The following KLHL14 variants were observed in gnomAD, a reference collection of about 807,000 sequenced individuals.
KLHL14 encodes the protein kelch-like protein 14.
Under a neutral mutation model 64.3 loss-of-function variants are expected in KLHL14, and 22 were observed. That is an observed-to-expected ratio of 0.34 (90% confidence interval 0.24 to 0.49). The LOEUF is 0.49. KLHL14 is among the 20% of genes least tolerant of loss of function. KLHL14 has a pLI of 0.99. For missense variants in KLHL14, 661 were observed against 789.0 expected (o/e 0.84, Z 1.94); for synonymous variants, 322 against 333.4 (o/e 0.97, Z 0.37).
rs1303785817 is a variant in KLHL14, at chr18:32,772,912, G to T, written c.-289C>A. On this transcript the variant is annotated 5_prime_UTR_variant, in exon 1 of 9. It adds an upstream start codon to the 5' untranslated region. Transcript: ENST00000359358. ...GAGAGAGGGAGAGAGAGAGGGAGCA[G>T]AGCTTTCTGCAAGAGAAGAAGAAGA... The T allele has an allele frequency of 6.1e-6, 1 of 163,924 alleles. No homozygotes were observed. The highest frequency in any genetic ancestry group is 1.3e-5 in the Non-Finnish European group (1 of 74,738). The allele number at this position is 163,924 out of a possible 1,614,324, so 10.2% of individuals were successfully genotyped here.
intron 3 of KLHL14, among the ~76,000 whole-genome samples, chr18:32,735,017 C>T (rs1421433435): frequency 6.6e-6 from 1 of 152,142 alleles, no homozygotes; most frequent in African/African-American, 2.4e-5. Context: ...AATTTTGTCA[C>T]TTACACGTCA....
In KLHL14 at chr18:32,760,359, C is replaced by CACATATACAT. The variant is rs1465108620; in HGVS notation, c.947+9285_947+9286insATGTATATGT. On this transcript the variant is annotated intron_variant, in intron 2 of 8. Coordinates refer to ENST00000359358, the MANE Select transcript of KLHL14 (RefSeq NM_020805.3). ...AGACATACACACACACACACACACA[C>CACATATACAT]ACATATACACACACACACAAACATG... 2.6e-5 allele frequency among the ~76,000 whole-genome samples: 4 copies of CACATATACAT among 151,750 alleles called. No individual in the cohort carries two copies. In the East Asian group the frequency reaches 7.7e-4, roughly 29 times the overall value.
At chr18:32,716,758 A>G (rs1568072745) in intron 3 of KLHL14, among the ~76,000 whole-genome samples, 1 of 152,008 alleles carries the variant, frequency 6.6e-6, no homozygotes. Context: ...TTGTACCTTC[A>G]TTTCATATAG....
chr18:32,757,716 G>A (rs1042415105), intron 2 of KLHL14, among the ~76,000 whole-genome samples: 29 of 152,022 alleles, frequency 1.9e-4, no homozygotes, highest in African/African-American at 6.8e-4. Context: ...TGAAAGATTT[G>A]CTTATCCAAG....
At chr18:32,696,580 GGGAACTTATTCCTTGACACGGATCAA>G (rs2144486995) in intron 3 of KLHL14, among the ~76,000 whole-genome samples, 1 of 152,276 alleles carries the variant, frequency 6.6e-6, no homozygotes, top group Non-Finnish European at 1.5e-5. Context: ...TGTTCAGGCA[GGGAACTTATTCCTTGACACGGATCAA>G]CAGAGCACTT....
intron 3 of KLHL14, among the ~76,000 whole-genome samples, chr18:32,730,570 AG>A (rs1195258876): frequency 2.0e-5 from 3 of 152,214 alleles, no homozygotes; most frequent in Admixed American, 6.5e-5. Context: ...CATTACAACA[AG>A]ACAAAAGCAT....
At chr18:32,739,782 G>C (rs2050186036) in intron 3 of KLHL14, among the ~76,000 whole-genome samples, 1 of 151,966 alleles carries the variant, frequency 6.6e-6, no homozygotes, top group South Asian at 2.1e-4. Context: ...AAACTATGGA[G>C]AATATGCTCC....
chr18:32,719,110 G>A (rs9965869), intron 3 of KLHL14, among the ~76,000 whole-genome samples: 3 of 152,112 alleles, frequency 2.0e-5, no homozygotes, highest in South Asian at 4.1e-4. Flanking sequence ...CACCACACCT[G>A]GGTAATTTTG....
chr18:32,702,653 C>T (rs1464892886), intron 3 of KLHL14, among the ~76,000 whole-genome samples: 8 of 152,074 alleles, frequency 5.3e-5, no homozygotes, highest in Admixed American at 3.3e-4. Flanking sequence ...ACTATAGTTT[C>T]AAACTACAAA....
intron 3 of KLHL14, among the ~76,000 whole-genome samples, chr18:32,722,887 G>A (rs1250707710): frequency 6.6e-6 from 1 of 152,054 alleles, no homozygotes; most frequent in African/African-American, 2.4e-5. Flanking sequence ...CCTAGGAGTT[G>A]GAGGCTATAG....
chr18:32,684,084 T>A (rs1384003698), intron 5 of KLHL14, among the ~76,000 whole-genome samples: 1 of 152,132 alleles, frequency 6.6e-6, no homozygotes, highest in Non-Finnish European at 1.5e-5. Flanking sequence ...GAATAACACT[T>A]CAAACATCAA....
chr18:32,683,097 T>C lies in KLHL14; in HGVS notation c.1239-2498A>G, dbSNP rs2049851056. 6.6e-6 allele frequency among the ~76,000 whole-genome samples: 1 copy of C among 152,140 alleles called. No homozygotes were observed. Among genetic ancestry groups the C allele is most frequent in the Non-Finnish European group, 1.5e-5 (1 of 68,030 alleles). On this transcript the variant is annotated intron_variant, in intron 5 of 8. Transcript: ENST00000359358. The surrounding 1 kb of genome is among the most constrained non-coding windows in gnomAD (Gnocchi z 4.2). Reference sequence around the variant, plus strand: ...GGAAGATCTCCCTTTGGTGAACTCATTTTCTTGTCTAAAATTCAGTTTTTT... The same window carrying C: ...GGAAGATCTCCCTTTGGTGAACTCACTTTCTTGTCTAAAATTCAGTTTTTT...
intron 2 of KLHL14, among the ~76,000 whole-genome samples, chr18:32,742,499 C>T (rs1346017817): frequency 6.6e-6 from 1 of 152,186 alleles, no homozygotes; most frequent in African/African-American, 2.4e-5. Flanking sequence ...TGTGAGCCAA[C>T]TCTTTAATCA....
chr18:32,719,399 C>T (rs544001326), intron 3 of KLHL14, among the ~76,000 whole-genome samples: 12 of 152,316 alleles, frequency 7.9e-5, no homozygotes, highest in East Asian at 5.8e-4. Context: ...TGTAAGTTCA[C>T]GAATGAGTCA....
chr18:32,685,980 A>G (rs576913156), intron 5 of KLHL14, among the ~76,000 whole-genome samples: 48 of 151,882 alleles, frequency 3.2e-4, no homozygotes, highest in Admixed American at 6.6e-5. Flanking sequence ...TAGAAAAGAG[A>G]AAGAATGCTG....
In KLHL14 at chr18:32,680,179, A is replaced by G; in HGVS notation, c.1578T>C (p.Asn526=). The change falls in exon 7 of 9, where the codon AAT becomes AAC. Residue 526 remains asparagine (N), a synonymous_variant. Coordinates refer to ENST00000359358, the MANE Select transcript of KLHL14 (RefSeq NM_020805.3). The surrounding 1 kb of genome is among the most constrained non-coding windows in gnomAD (Gnocchi z 4.8). The stretch of plus-strand genomic sequence containing the variant: ...CAACAAAAAAAAGACCTTTCAAATG[A>G]TTTCCTCCAATTGCATACAAGCGAT... ...MNDRLYAIGG[N]HLKGFSHLDV... 6.2e-7 allele frequency: 1 copy of G among 1,613,274 alleles called. No homozygotes were observed. The highest frequency in any genetic ancestry group is 8.5e-7 in the Non-Finnish European group (1 of 1,179,518).
At chr18:32,691,402 G>C (rs1242973401) in intron 4 of KLHL14, among the ~76,000 whole-genome samples, 1 of 152,162 alleles carries the variant, frequency 6.6e-6, no homozygotes, top group Non-Finnish European at 1.5e-5. Flanking sequence ...AAAGAGTCTG[G>C]GTGTGGTGGC....
At chr18:32,681,355 A>G (rs184748578) in intron 5 of KLHL14, among the ~76,000 whole-genome samples, 7 of 152,288 alleles carry the variant, frequency 4.6e-5, no homozygotes, top group Non-Finnish European at 1.5e-5. Flanking sequence ...TAGGAGTGAG[A>G]TTTGAAGACA....
chr18:32,735,173 A>C (rs774574542), intron 3 of KLHL14, among the ~76,000 whole-genome samples: 3 of 152,100 alleles, frequency 2.0e-5, no homozygotes, highest in Non-Finnish European at 4.4e-5. Flanking sequence ...CGTGGGTGAA[A>C]TGGGTCAGCA....
Sources: gnomAD v4.1 joint callset for allele counts (sites outside exome capture counted in the v4.1 genomes callset) on GRCh38, gnomAD v4.1.1 for gene constraint, Gnocchi (gnomAD v3.1) non-coding constraint, MANE v1.5 for transcripts, NCBI Gene and HGNC (gene_info 2026-07-23, HGNC 2026-07-21) for gene names.